Variants in CSNK1D observed in about 807,000 individuals in gnomAD.
CSNK1D encodes the protein casein kinase I isoform delta.
In CSNK1D, 16 loss-of-function variants were observed where a neutral mutation model predicts 46.6. The observed-to-expected ratio is 0.34, with a 90% CI of 0.23 to 0.52. The LOEUF (loss-of-function observed/expected upper bound fraction) is 0.52. Among genes scored for constraint, CSNK1D ranks in the 20% least tolerant of loss-of-function variants. The probability of loss-of-function intolerance (pLI) is 0.95; values close to 1 mark genes in which losing one functional copy is unlikely to be tolerated. For missense variants in CSNK1D, 398 were observed against 578.4 expected (o/e 0.69, Z 3.20); for synonymous variants, 276 against 228.2 (o/e 1.21, Z -1.89).
chr17:82,247,643 G>A lies in CSNK1D; in HGVS notation c.1197+1232C>T, dbSNP rs886068624. On this transcript the variant is annotated intron_variant, in intron 8 of 8. Transcript: ENST00000314028. The stretch of plus-strand genomic sequence containing the variant: ...CCGGGAACTGCTCACAGGAACTGAT[G>A]CGCAAGTGCCAGGCTCGTGGAAAGA... 4 of 985,316 alleles carry A rather than the reference G, an allele frequency of 4.1e-6. No individual in the cohort carries two copies. The African/African-American group carries it at 7.0e-5, about 17-fold the overall frequency. The allele number at this position is 985,316 out of a possible 1,614,324, so 61.0% of individuals were successfully genotyped here.
Position 82,242,720 on chromosome 17 carries a change from A to G in CSNK1D, c.*2061T>C. 1.0e-6 allele frequency: 1 copy of G among 985,494 alleles called. No homozygotes were observed. The highest frequency in any genetic ancestry group is 1.2e-6 in the Non-Finnish European group (1 of 829,938). 61.0% of individuals were successfully genotyped at this position (985,494 alleles called of 1,614,324 possible). On this transcript the variant is annotated 3_prime_UTR_variant, in exon 9 of 9. Transcript: ENST00000314028. ...TTTACACGATTGTTAAAGTACACAAATACAGTGGCGATACAAACGCACAGC... is the reference window on the plus strand; with the variant it reads ...TTTACACGATTGTTAAAGTACACAAGTACAGTGGCGATACAAACGCACAGC...
intron 8 of CSNK1D, chr17:82,245,469 G>A (rs770990758): frequency 9.4e-6 from 2 of 212,434 alleles, no homozygotes; most frequent in African/African-American, 2.3e-5. Context: ...AGATAAATGA[G>A]ACAGGAAGAG....
intron 1 of CSNK1D, among the ~76,000 whole-genome samples, chr17:82,267,916 G>A (rs1040074852): frequency 6.6e-6 from 1 of 152,250 alleles, no homozygotes; most frequent in Non-Finnish European, 1.5e-5. Flanking sequence ...CTTCTCTGTA[G>A]CTGATAAAGC....
At chr17:82,270,393 C>G (rs887443831) in intron 1 of CSNK1D, among the ~76,000 whole-genome samples, 6 of 152,142 alleles carry the variant, frequency 3.9e-5, no homozygotes, top group African/African-American at 4.8e-5. Flanking sequence ...GGTAGAAAAA[C>G]AAGAACCCAA....
rs183936207 is a variant in CSNK1D at position 82,251,772 on chromosome 17, C to T, written c.737-245G>A. 24 of 515,628 alleles carry T rather than the reference C, an allele frequency of 4.7e-5. No individual in the cohort carries two copies. The highest frequency in any genetic ancestry group is 7.5e-5 in the East Asian group (2 of 26,720). The allele number at this position is 515,628 out of a possible 1,614,324, so 31.9% of individuals were successfully genotyped here. A position where few individuals can be genotyped will look rare whatever the true frequency, so the allele number is the denominator to read the frequency against. On this transcript the variant is annotated intron_variant, in intron 5 of 8. Transcript: ENST00000314028. The surrounding 1 kb of genome is among the most constrained non-coding windows in gnomAD (Gnocchi z 4.5). ...CTAGGAGGCTGAGGAGGGCGGATCACGAGGTCAGGAGATCAAGACCATCCT... is the reference window on the plus strand; with the variant it reads ...CTAGGAGGCTGAGGAGGGCGGATCATGAGGTCAGGAGATCAAGACCATCCT...
chr17:82,255,656 A>G lies in CSNK1D; in HGVS notation c.188-79T>C, dbSNP rs968847040. On this transcript the variant is annotated intron_variant, in intron 2 of 8. Transcript: ENST00000314028. This position sits in a 1 kb window ranked among gnomAD's most constrained non-coding sequence, Gnocchi z 5.9. ...CACTAAGTCTGCACTGTGCACACCA[A>G]GGGGTCATGGTGACAATCCTGAACG... is the stretch of plus-strand genomic sequence containing the variant. 2 of 1,557,188 alleles carry G rather than the reference A, an allele frequency of 1.3e-6. No individual in the cohort carries two copies. Among genetic ancestry groups the G allele is most frequent in the African/African-American group, 2.7e-5 (2 of 73,708 alleles).
intron 2 of CSNK1D, 57 bp downstream of exon 2, chr17:82,265,629 C>T: frequency 7.4e-7 from 1 of 1,343,398 alleles, no homozygotes; most frequent in Non-Finnish European, 1.1e-6. Flanking sequence ...TGCTGAGTTG[C>T]TGTTCTCCCT....
chr17:82,264,075 T>C (rs2051406586), intron 2 of CSNK1D, among the ~76,000 whole-genome samples: 1 of 152,242 alleles, frequency 6.6e-6, no homozygotes, highest in African/African-American at 2.4e-5. Flanking sequence ...CGTCGGTTTC[T>C]TGTAGTAGCA....
In CSNK1D at chr17:82,248,684, G is replaced by T; in HGVS notation, c.1197+191C>A. The T allele has an allele frequency of 1.4e-6, 2 of 1,422,312 alleles. No individual in the cohort carries two copies. Among genetic ancestry groups the T allele is most frequent in the Non-Finnish European group, 1.8e-6 (2 of 1,088,674 alleles). The allele number at this position is 1,422,312 out of a possible 1,614,324, so 88.1% of individuals were successfully genotyped here. On this transcript the variant is annotated intron_variant, in intron 8 of 8. Coordinates refer to ENST00000314028, the MANE Select transcript of CSNK1D (RefSeq NM_001893.6). The surrounding 1 kb of genome is among the most constrained non-coding windows in gnomAD (Gnocchi z 4.1). ...GCAACCAGGAGACAAGCCCCATGACGGCCCAGCATGTCTCCCAGGCCCTCC... is the reference window on the plus strand; with the variant it reads ...GCAACCAGGAGACAAGCCCCATGACTGCCCAGCATGTCTCCCAGGCCCTCC...
rs576177958 is a variant in CSNK1D, at chr17:82,249,231, G to A, written c.1057+200C>T. On this transcript the variant is annotated intron_variant, in intron 7 of 8. Transcript: ENST00000314028. This position sits in a 1 kb window ranked among gnomAD's most constrained non-coding sequence, Gnocchi z 6.7. ...CTCACAGGGGAGGAACGTGAGATGC[G>A]GGAGGAATCACGCACACCAGCAGGT... 1.6e-5 allele frequency: 12 copies of A among 761,650 alleles called. No homozygotes were observed. Among genetic ancestry groups the A allele is most frequent in the Non-Finnish European group, 1.9e-5 (9 of 480,950 alleles). 47.2% of individuals were successfully genotyped at this position (761,650 alleles called of 1,614,324 possible).
At chr17:82,262,539 T>C (rs1207668032) in intron 2 of CSNK1D, among the ~76,000 whole-genome samples, 2 of 152,226 alleles carry the variant, frequency 1.3e-5, no homozygotes, top group Non-Finnish European at 2.9e-5. Context: ...CACCACCACT[T>C]GACTTTCACG....
At chr17:82,259,363 C>T (rs1024383910) in intron 2 of CSNK1D, among the ~76,000 whole-genome samples, 3 of 152,164 alleles carry the variant, frequency 2.0e-5, no homozygotes, top group Non-Finnish European at 4.4e-5. Context: ...ACATCACATG[C>T]CAGTAACAGC....
chr17:82,252,906 GA>G lies in CSNK1D; in HGVS notation c.565+109del. The G allele has an allele frequency of 2.9e-6, 3 of 1,038,922 alleles. No homozygotes were observed. Among genetic ancestry groups the G allele is most frequent in the Non-Finnish European group, 4.4e-6 (3 of 681,806 alleles). 64.4% of individuals were successfully genotyped at this position (1,038,922 alleles called of 1,614,324 possible). The stretch of plus-strand genomic sequence containing the variant: ...GCCAGCCTGTCTGCCGCAAAGGTCT[GA>G]TGACACGCTTGCAGCCCCAGCTCCC... On this transcript the variant is annotated intron_variant, in intron 4 of 8. Transcript: ENST00000314028. This position sits in a 1 kb window ranked among gnomAD's most constrained non-coding sequence, Gnocchi z 4.6.
Position 82,251,338 on chromosome 17 carries a change from C to G in CSNK1D, c.885+41G>C, listed in dbSNP as rs113559048. On this transcript the variant is annotated intron_variant, in intron 6 of 8. Coordinates refer to ENST00000314028, the MANE Select transcript of CSNK1D (RefSeq NM_001893.6). The surrounding 1 kb of genome is among the most constrained non-coding windows in gnomAD (Gnocchi z 4.5). Reference sequence around the variant, plus strand: ...GGCCTCTCACTGACAAGCCATCCCCCGCACACCACACTCAGCGAACGTGCT... The same window carrying G: ...GGCCTCTCACTGACAAGCCATCCCCGGCACACCACACTCAGCGAACGTGCT... The G allele has an allele frequency of 4.0e-5, 65 of 1,613,138 alleles. No individual in the cohort carries two copies. In the African/African-American group the frequency reaches 7.5e-4, roughly 19 times the overall value.
Position 82,249,157 on chromosome 17 carries a change from C to A in CSNK1D, c.1058-143G>T, listed in dbSNP as rs1191198516. ...GCTGTGGCCGATGGCCACCAACACT[C>A]AGATCCGGCCGGAGGGACACAAAGG... On this transcript the variant is annotated intron_variant, in intron 7 of 8. Coordinates refer to ENST00000314028, the MANE Select transcript of CSNK1D (RefSeq NM_001893.6). The surrounding 1 kb of genome is among the most constrained non-coding windows in gnomAD (Gnocchi z 6.7). The A allele has an allele frequency of 2.8e-6, 3 of 1,061,076 alleles. No individual in the cohort carries two copies. Among genetic ancestry groups the A allele is most frequent in the African/African-American group, 3.2e-5 (2 of 63,010 alleles). The allele number at this position is 1,061,076 out of a possible 1,614,324, so 65.7% of individuals were successfully genotyped here.
At chr17:82,239,364 C>G (rs944743247), downstream of CSNK1D, 1 of 193,612 alleles carries the variant, frequency 5.2e-6, no homozygotes, top group Admixed American at 6.1e-5. Flanking sequence ...CCTCTCCAGC[C>G]CGTCCTACCC....
At position 82,251,051 on chromosome 17, in the gene CSNK1D, C is replaced by T. The variant is rs141463262; in HGVS notation, c.885+328G>A. The T allele has an allele frequency of 1.2e-4, 48 of 385,340 alleles. 2 individuals are homozygous for T. Among genetic ancestry groups the T allele is most frequent in the South Asian group, 6.2e-4 (28 of 45,478 alleles). The allele number at this position is 385,340 out of a possible 1,614,324, so 23.9% of individuals were successfully genotyped here. ...CCATGTGGCACAGCGAATGGGAATG[C>T]GCACCCCCAGCCCCCACCCTCTGCC... On this transcript the variant is annotated intron_variant, in intron 6 of 8. Transcript: ENST00000314028. The surrounding 1 kb of genome is among the most constrained non-coding windows in gnomAD (Gnocchi z 4.5).
chr17:82,239,174 G>C, downstream of CSNK1D: 4 of 514,368 alleles, frequency 7.8e-6, no homozygotes, highest in South Asian at 1.6e-4. Flanking sequence ...TGGATCTGCG[G>C]TGAAGCCAAG....
chr17:82,248,046 G>C lies in CSNK1D; in HGVS notation c.1197+829C>G. 1.0e-6 allele frequency: 1 copy of C among 985,440 alleles called. No homozygotes were observed. The highest frequency in any genetic ancestry group is 1.2e-6 in the Non-Finnish European group (1 of 829,950). The allele number at this position is 985,440 out of a possible 1,614,324, so 61.0% of individuals were successfully genotyped here. A position where few individuals can be genotyped will look rare whatever the true frequency, so the allele number is the denominator to read the frequency against. On this transcript the variant is annotated intron_variant, in intron 8 of 8. Transcript: ENST00000314028. The surrounding 1 kb of genome is among the most constrained non-coding windows in gnomAD (Gnocchi z 4.1). ...ACAAACACCTCCCCACAAGCCCAGA[G>C]CCAGGCTCCAGGGCATTTCTGAACT...
Sources: allele counts gnomAD v4.1 joint callset (sites outside exome capture counted in the v4.1 genomes callset), GRCh38; gene constraint gnomAD v4.1.1; non-coding constraint Gnocchi (gnomAD v3.1); transcripts MANE v1.5; gene names NCBI Gene and HGNC (gene_info 2026-07-23, HGNC 2026-07-21).